TLL2: variants seen among roughly 807,000 people sequenced by gnomAD.
TLL2 encodes the protein tolloid-like protein 2.
TLL2 carries 106 observed loss-of-function variants against 123.0 expected under a neutral mutation model. That is an observed-to-expected ratio of 0.86 (90% confidence interval 0.74 to 1.01). The LOEUF is 1.01. Among genes scored for constraint, TLL2 ranks in the 50% least tolerant of loss-of-function variants. TLL2 has a pLI of 0.00. For missense variants in TLL2, 1,332 were observed against 1,336.7 expected, an observed-to-expected ratio of 1.00 and a Z score of 0.06; for synonymous variants, 494 against 516.8, an observed-to-expected ratio of 0.96 and a Z score of 0.60.
rs1302133190 is a variant in TLL2 at position 96,366,842 on chromosome 10, C to T, written c.*1246G>A. 5 of 152,650 alleles carry T rather than the reference C, an allele frequency of 3.3e-5. No homozygotes were observed. Among genetic ancestry groups the T allele is most frequent in the Non-Finnish European group, 7.3e-5 (5 of 68,046 alleles). 9.5% of individuals were successfully genotyped at this position (152,650 alleles called of 1,614,324 possible). A position where few individuals can be genotyped will look rare whatever the true frequency, so the allele number is the denominator to read the frequency against. On this transcript the variant is annotated 3_prime_UTR_variant, in exon 21 of 21. Coordinates refer to ENST00000357947, the MANE Select transcript of TLL2 (RefSeq NM_012465.4). ...ATACCACAGCTTTTAGCTCATAATGCCCATAGATGCCTTAATGAAATGCCA... is the reference window on the plus strand; with the variant it reads ...ATACCACAGCTTTTAGCTCATAATGTCCATAGATGCCTTAATGAAATGCCA...
At chr10:96,493,384 G>T (rs1847435389) in intron 1 of TLL2, among the ~76,000 whole-genome samples, 1 of 152,176 alleles carries the variant, frequency 6.6e-6, no homozygotes, top group Non-Finnish European at 1.5e-5. Context: ...CAGTTTGGCA[G>T]GTGGATAACA....
In TLL2 at chr10:96,395,891, G is replaced by GT. The variant is rs1184269809; in HGVS notation, c.1513dup (p.Thr505AsnfsTer6). ...AGCACTCACCTCAAAAGCTTGGAAG[G>GT]TAAGTCCCACGTGAAACCCCTCTGA... On this transcript the variant is annotated frameshift_variant, in exon 12 of 21. Coordinates refer to ENST00000357947, the MANE Select transcript of TLL2 (RefSeq NM_012465.4). LOFTEE classifies it high-confidence loss of function. 81 of 1,614,094 alleles carry GT rather than the reference G, an allele frequency of 5.0e-5. No homozygotes were observed. Among genetic ancestry groups the GT allele is most frequent in the Non-Finnish European group, 6.6e-5 (78 of 1,180,044 alleles).
intron 1 of TLL2, among the ~76,000 whole-genome samples, chr10:96,504,935 G>A (rs752584816): frequency 7.9e-5 from 12 of 152,244 alleles, no homozygotes; most frequent in Non-Finnish European, 1.6e-4. Context: ...GTGAACCTGG[G>A]AGGCAGAGCG....
In TLL2 at chr10:96,405,275, G is replaced by A. The variant is rs781461065; in HGVS notation, c.1224C>T (p.Tyr408=). The change falls in exon 10 of 21, where the codon TAC becomes TAT. Residue 408 remains tyrosine, a synonymous_variant. Transcript: ENST00000357947. ...LFKSRLCWYD[Y]VEVRDGYWRK... is the part of the protein sequence containing the mutation. ...TCCAGTAACCATCCCGGACCTCCAC[G>A]TAATCATACCAGCACAGTCGGCTTT... is the stretch of plus-strand genomic sequence containing the variant. The A allele has an allele frequency of 1.4e-5, 23 of 1,613,974 alleles. No individual in the cohort carries two copies. Among genetic ancestry groups the A allele is most frequent in the African/African-American group, 9.3e-5 (7 of 74,874 alleles).
chr10:96,509,953 G>GTAAA (rs35135927), intron 1 of TLL2, among the ~76,000 whole-genome samples: 4,487 of 151,956 alleles, frequency 0.03, 193 homozygotes, highest in African/African-American at 0.098. Flanking sequence ...TCTCAAAAAA[G>GTAAA]TAAATAAATA....
At position 96,385,752 on chromosome 10, in the gene TLL2, C is replaced by T. The variant is rs368399623; in HGVS notation, c.2013+303G>A. Reference sequence around the variant, plus strand: ...TTTATTCGCCTCAGCTGCACACCAGCTCCCCAGACTCACAGCCCAGTCCTG... The same window carrying T: ...TTTATTCGCCTCAGCTGCACACCAGTTCCCCAGACTCACAGCCCAGTCCTG... On this transcript the variant is annotated intron_variant, in intron 15 of 20. Transcript: ENST00000357947. Among the ~76,000 whole-genome samples the T allele has an allele frequency of 7.4e-4, 112 of 152,338 alleles. 1 individual carries two copies. In the South Asian group the frequency reaches 0.017, roughly 23 times the overall value.
intron 1 of TLL2, among the ~76,000 whole-genome samples, chr10:96,485,715 C>A (rs908403768): frequency 4.6e-5 from 7 of 152,198 alleles, no homozygotes; most frequent in African/African-American, 1.7e-4. Flanking sequence ...ACAAGGAAGT[C>A]TATCTGACAA....
At chr10:96,494,118 C>G (rs1021167706) in intron 1 of TLL2, among the ~76,000 whole-genome samples, 1 of 152,212 alleles carries the variant, frequency 6.6e-6, no homozygotes, top group Non-Finnish European at 1.5e-5. Flanking sequence ...GGGGACAGCC[C>G]GGGCGGCTGC....
intron 1 of TLL2, among the ~76,000 whole-genome samples, chr10:96,495,976 T>C (rs1396010440): frequency 6.6e-6 from 1 of 152,202 alleles, no homozygotes; most frequent in East Asian, 1.9e-4. Flanking sequence ...CTGAAGAATT[T>C]CTAAGACAGA....
At chr10:96,482,878 T>C (rs1013680157) in intron 1 of TLL2, among the ~76,000 whole-genome samples, 2 of 152,202 alleles carry the variant, frequency 1.3e-5, no homozygotes, top group African/African-American at 4.8e-5. Flanking sequence ...CCAACCAAGA[T>C]GGTACCTGGT....
At chr10:96,387,831 C>T (rs892124728) in intron 13 of TLL2, among the ~76,000 whole-genome samples, 1 of 151,944 alleles carries the variant, frequency 6.6e-6, no homozygotes, top group Non-Finnish European at 1.5e-5. Context: ...TCCCCAGACA[C>T]ATTAACCCAA....
chr10:96,474,610 A>C (rs1847218945), intron 2 of TLL2, among the ~76,000 whole-genome samples: 1 of 152,178 alleles, frequency 6.6e-6, no homozygotes, highest in Non-Finnish European at 1.5e-5. Context: ...CTGGATACAC[A>C]GGTTGTGGAC....
rs565677834 is a variant in TLL2 at position 96,367,411 on chromosome 10, A to G, written c.*677T>C. ...ATTCATAATGGATGCCTTAGCCCCC[A>G]CTGCAATTAGGGAGGGGGGGAAACC... On this transcript the variant is annotated 3_prime_UTR_variant, in exon 21 of 21. Coordinates refer to ENST00000357947, the MANE Select transcript of TLL2 (RefSeq NM_012465.4). 1 of 152,390 alleles carries G rather than the reference A, an allele frequency of 6.6e-6. No homozygotes were observed. The highest frequency in any genetic ancestry group is 2.4e-5 in the African/African-American group (1 of 41,568). 9.4% of individuals were successfully genotyped at this position (152,390 alleles called of 1,614,324 possible).
rs1036761792 is a variant in TLL2, at chr10:96,378,892, A to G, written c.2320+75T>C. ...AGGTCCTCGCCGCACCTCCTTACTC[A>G]TGCACATGCACACAGGGGCATGGGG... On this transcript the variant is annotated intron_variant, in intron 17 of 20. Transcript: ENST00000357947. 132 of 1,581,672 alleles carry G rather than the reference A, an allele frequency of 8.3e-5. 1 individual carries two copies. The highest frequency in any genetic ancestry group is 1.1e-4 in the Non-Finnish European group (124 of 1,155,202).
chr10:96,384,834 C>G, intron 15 of TLL2, 67 bp from the exon 16 acceptor site: 1 of 1,437,082 alleles, frequency 7.0e-7, no homozygotes, highest in Non-Finnish European at 9.3e-7. Context: ...CAGCACACTG[C>G]TGCACCTGCT....
At chr10:96,452,101 A>G (rs1846966415) in intron 2 of TLL2, among the ~76,000 whole-genome samples, 1 of 152,266 alleles carries the variant, frequency 6.6e-6, no homozygotes, top group Admixed American at 6.5e-5. Context: ...TCCTGCAGGC[A>G]GTGCCTGCCC....
intron 1 of TLL2, among the ~76,000 whole-genome samples, chr10:96,504,570 A>G (rs1847561185): frequency 6.6e-6 from 1 of 150,750 alleles, no homozygotes; most frequent in Admixed American, 6.6e-5. Flanking sequence ...GGATCCCACC[A>G]CTGCACACAC....
At chr10:96,499,399 T>C (rs1275828318) in intron 1 of TLL2, among the ~76,000 whole-genome samples, 2 of 152,224 alleles carry the variant, frequency 1.3e-5, no homozygotes, top group African/African-American at 4.8e-5. Context: ...CTATTTTTGT[T>C]TTCTTTAGTG....
At chr10:96,469,683 G>A (rs938212741) in intron 2 of TLL2, among the ~76,000 whole-genome samples, 1 of 152,182 alleles carries the variant, frequency 6.6e-6, no homozygotes, top group African/African-American at 2.4e-5. Flanking sequence ...TTCCTCCAGT[G>A]CTCCCAGAGC....
Sources: allele counts gnomAD v4.1 joint callset (sites outside exome capture counted in the v4.1 genomes callset), GRCh38; gene constraint gnomAD v4.1.1; transcripts MANE v1.5; gene names NCBI Gene and HGNC (gene_info 2026-07-23, HGNC 2026-07-21).